Variants in TENM3 observed in about 807,000 individuals in gnomAD.
The protein encoded by TENM3 is teneurin transmembrane protein 3, also known as teneurin-3.
Under a neutral mutation model 255.1 loss-of-function variants are expected in TENM3, and 63 were observed. That is an observed-to-expected ratio of 0.25 (90% confidence interval 0.20 to 0.30). The LOEUF is 0.30. TENM3 is among the 10% of genes least tolerant of loss of function. TENM3 has a pLI of 1.00. For synonymous variants in TENM3, 1,306 were observed against 1,322.3 expected (o/e 0.99, Z 0.27); for missense variants, 2,929 against 3,461.1 (o/e 0.85, Z 3.86).
At chr4:182,012,125 A>G in the TENM3 span, among the ~76,000 whole-genome samples, 1 of 152,166 alleles carries the variant, frequency 6.6e-6, no homozygotes, top group Non-Finnish European at 1.5e-5. Flanking sequence ...GAGACAAGCA[A>G]TCTCCACTGT....
the TENM3 span, among the ~76,000 whole-genome samples, chr4:181,755,054 G>A: frequency 6.6e-6 from 1 of 152,090 alleles, no homozygotes; most frequent in Admixed American, 6.6e-5. Context: ...CAGACATGAG[G>A]GTCAGCTCAG....
At chr4:181,786,422 C>T in the TENM3 span, among the ~76,000 whole-genome samples, 9 of 152,126 alleles carry the variant, frequency 5.9e-5, no homozygotes, top group Non-Finnish European at 1.3e-4. Context: ...TACGTAAATA[C>T]TCTCTTCATA....
chr4:181,687,234 G>A, the TENM3 span, among the ~76,000 whole-genome samples: 1 of 152,120 alleles, frequency 6.6e-6, no homozygotes, highest in Non-Finnish European at 1.5e-5. Flanking sequence ...CATTAGGCCA[G>A]CTGTTACTGA....
the TENM3 span, among the ~76,000 whole-genome samples, chr4:181,468,624 G>C: frequency 1.4e-4 from 21 of 152,170 alleles, no homozygotes; most frequent in Non-Finnish European, 3.1e-4. Flanking sequence ...ACACATTAGT[G>C]CTGGAATTTT....
chr4:182,460,355 G>T (rs988380609), intron 3 of TENM3, among the ~76,000 whole-genome samples: 2 of 152,004 alleles, frequency 1.3e-5, no homozygotes, highest in African/African-American at 4.8e-5. Context: ...CTGATAACAT[G>T]ACAATGTCCC....
At chr4:181,514,333 T>G in the TENM3 span, among the ~76,000 whole-genome samples, 1 of 152,214 alleles carries the variant, frequency 6.6e-6, no homozygotes, top group Non-Finnish European at 1.5e-5. Context: ...GCCTACCTCA[T>G]TAACATCATA....
At chr4:181,867,069 C>T in the TENM3 span, among the ~76,000 whole-genome samples, 1 of 152,100 alleles carries the variant, frequency 6.6e-6, no homozygotes, top group Non-Finnish European at 1.5e-5. Flanking sequence ...TATTATAATC[C>T]TCTGCTTCTC....
At chr4:181,776,897 A>G in the TENM3 span, among the ~76,000 whole-genome samples, 1 of 151,906 alleles carries the variant, frequency 6.6e-6, no homozygotes, top group African/African-American at 2.4e-5. Flanking sequence ...TACTCTGTTG[A>G]TTATTTCCTT....
At chr4:181,620,672 A>G in the TENM3 span, among the ~76,000 whole-genome samples, 1 of 151,972 alleles carries the variant, frequency 6.6e-6, no homozygotes, top group African/African-American at 2.4e-5. Flanking sequence ...TAAAAAAAAA[A>G]AAAAAGAAAA....
intron 4 of TENM3, among the ~76,000 whole-genome samples, chr4:182,621,778 T>C (rs1581130421): frequency 1.4e-5 from 1 of 69,048 alleles, no homozygotes; most frequent in Non-Finnish European, 2.7e-5. Flanking sequence ...ATATATTATA[T>C]ATAATTATAT....
intron 1 of TENM3, among the ~76,000 whole-genome samples, chr4:182,217,009 CTTTTTTTTTTTTTTT>C (rs3071526): frequency 5.9e-5 from 4 of 67,508 alleles, no homozygotes; most frequent in Admixed American, 2.5e-4. Flanking sequence ...CATTTTCTTT[CTTTTTTTTTTTTTTT>C]TTTTTTTTTT....
chr4:182,440,746 A>G (rs1485133439), intron 3 of TENM3, among the ~76,000 whole-genome samples: 1 of 152,184 alleles, frequency 6.6e-6, no homozygotes, highest in Non-Finnish European at 1.5e-5. Context: ...CTTATTGAGA[A>G]AATGGTGACC....
intron 1 of TENM3, among the ~76,000 whole-genome samples, chr4:182,231,790 T>G (rs1295883825): frequency 6.6e-6 from 1 of 152,186 alleles, no homozygotes; most frequent in Admixed American, 6.5e-5. Context: ...GAGCCTGGGA[T>G]GCACCCGAGG....
At chr4:182,327,484 T>C (rs1207149872) in intron 2 of TENM3, among the ~76,000 whole-genome samples, 1 of 148,838 alleles carries the variant, frequency 6.7e-6, no homozygotes, top group East Asian at 2.0e-4. Context: ...TATTTTTAAT[T>C]GACCAATTTT....
chr4:182,289,489 C>T lies in TENM3; in HGVS notation c.-75-34457C>T, dbSNP rs139592369. On this transcript the variant is annotated intron_variant, in intron 1 of 27. Transcript: ENST00000511685. The stretch of plus-strand genomic sequence containing the variant: ...CACATGTATACTTGTCGCAGTTGTC[C>T]TGTACACATGCCCCAACGTAGCAGC... Among the ~76,000 whole-genome samples the T allele has an allele frequency of 1.8e-3, 270 of 152,324 alleles. 1 individual carries two copies. Among genetic ancestry groups the T allele is most frequent in the African/African-American group, 6.1e-3 (253 of 41,564 alleles).
chr4:181,814,873 C>A, the TENM3 span, among the ~76,000 whole-genome samples: 1 of 151,798 alleles, frequency 6.6e-6, no homozygotes, highest in East Asian at 1.9e-4. Context: ...AAAGTTCAAA[C>A]ATTTAGAAAG....
the TENM3 span, among the ~76,000 whole-genome samples, chr4:181,536,215 T>A: frequency 2.0e-5 from 3 of 152,344 alleles, no homozygotes; most frequent in African/African-American, 7.2e-5. Context: ...ACTAATTAGA[T>A]GCCCATTTTT....
intron 6 of TENM3, among the ~76,000 whole-genome samples, chr4:182,664,022 C>A (rs1754439661): frequency 6.6e-6 from 1 of 152,150 alleles, no homozygotes; most frequent in South Asian, 2.1e-4. Flanking sequence ...AAAAATGGAA[C>A]TTTGGCTCAT....
At chr4:182,220,104 C>T (rs754869437) in intron 1 of TENM3, among the ~76,000 whole-genome samples, 3 of 152,110 alleles carry the variant, frequency 2.0e-5, no homozygotes, top group African/African-American at 2.4e-5. Flanking sequence ...TGGCCAGGCA[C>T]GTTGGCTGAT....
Sources: gnomAD v4.1 joint callset for allele counts (sites outside exome capture counted in the v4.1 genomes callset) on GRCh38, gnomAD v4.1.1 for gene constraint, MANE v1.5 for transcripts, NCBI Gene and HGNC (gene_info 2026-07-23, HGNC 2026-07-21) for gene names.